DLG2: variants seen among roughly 807,000 people sequenced by gnomAD.
DLG2 encodes the protein disks large homolog 2.
DLG2 carries 45 observed loss-of-function variants against 132.5 expected under a neutral mutation model. The observed-to-expected ratio is 0.34, with a 90% CI of 0.27 to 0.44. DLG2 has a LOEUF of 0.44. Among genes scored for constraint, DLG2 ranks in the 20% least tolerant of loss-of-function variants. The pLI, the probability that DLG2 is intolerant of heterozygous loss-of-function variation, is 1.00. For missense variants in DLG2, 1,045 were observed against 1,196.9 expected, an observed-to-expected ratio of 0.87 and a Z score of 1.87; for synonymous variants, 424 against 419.6, an observed-to-expected ratio of 1.01 and a Z score of -0.13.
chr11:84,620,935 C>G (rs1456332644), intron 6 of DLG2, among the ~76,000 whole-genome samples: 1 of 152,048 alleles, frequency 6.6e-6, no homozygotes, highest in Non-Finnish European at 1.5e-5. Context: ...TGGACAGAAT[C>G]AAAGTATCTG....
In DLG2 at chr11:84,942,783, T is replaced by C. The variant is rs532795024; in HGVS notation, c.357+168878A>G. Among the ~76,000 whole-genome samples the C allele has an allele frequency of 6.6e-5, 10 of 152,266 alleles. No homozygotes were observed. In the South Asian group the frequency reaches 1.9e-3, roughly 28 times the overall value. ...TGAGTCTGATTTTTCCTTTATTTTC[T>C]GTCTGGATGATCTGTTTAATGCTGA... On this transcript the variant is annotated intron_variant, in intron 6 of 27. Transcript: ENST00000376104.
chr11:84,540,022 T>C (rs2099364321), intron 6 of DLG2, among the ~76,000 whole-genome samples: 2 of 152,068 alleles, frequency 1.3e-5, no homozygotes, highest in South Asian at 4.1e-4. Flanking sequence ...CTTCCTTACA[T>C]CTTATACCAA....
chr11:85,482,137 C>T (rs532552678), intron 3 of DLG2, among the ~76,000 whole-genome samples: 3 of 152,212 alleles, frequency 2.0e-5, no homozygotes, highest in African/African-American at 7.2e-5. Flanking sequence ...AAGCTGGATG[C>T]CAAAGTCCCA....
intron 6 of DLG2, among the ~76,000 whole-genome samples, chr11:84,956,024 GGGCC>G: frequency 6.6e-6 from 1 of 152,272 alleles, no homozygotes; most frequent in Admixed American, 6.5e-5. Flanking sequence ...AGCAGAATAA[GGGCC>G]GGCAAGGAAA....
At chr11:84,349,499 G>A (rs545641245) in intron 7 of DLG2, among the ~76,000 whole-genome samples, 4 of 152,218 alleles carry the variant, frequency 2.6e-5, no homozygotes, top group East Asian at 3.9e-4. Flanking sequence ...CTTAAAAGCC[G>A]TCATGAGAAA....
intron 3 of DLG2, among the ~76,000 whole-genome samples, chr11:85,511,711 A>G (rs529110183): frequency 7.3e-6 from 1 of 136,650 alleles, no homozygotes; most frequent in African/African-American, 2.7e-5. Flanking sequence ...CACACTGTAA[A>G]TGTTTGAAGT....
At chr11:85,609,850 G>T (rs1319577101) in intron 2 of DLG2, among the ~76,000 whole-genome samples, 2 of 152,134 alleles carry the variant, frequency 1.3e-5, no homozygotes, top group Admixed American at 1.3e-4. Flanking sequence ...TACCATCCGG[G>T]GAATCCTGGG....
chr11:85,559,034 C>T (rs2077078867), intron 3 of DLG2, among the ~76,000 whole-genome samples: 1 of 151,572 alleles, frequency 6.6e-6, no homozygotes, highest in Admixed American at 6.6e-5. Flanking sequence ...GTGAGAAGCC[C>T]TGAAATTCAA....
At chr11:84,072,386 G>A (rs984549732) in intron 10 of DLG2, among the ~76,000 whole-genome samples, 10 of 152,202 alleles carry the variant, frequency 6.6e-5, no homozygotes, top group African/African-American at 2.4e-4. Context: ...TGCATATCCT[G>A]AAGTAGCTTC....
chr11:84,859,505 A>C (rs998470263), intron 6 of DLG2, among the ~76,000 whole-genome samples: 4 of 148,642 alleles, frequency 2.7e-5, no homozygotes, highest in Non-Finnish European at 5.9e-5. Flanking sequence ...ATATATATCT[A>C]AACTTATATT....
intron 11 of DLG2, among the ~76,000 whole-genome samples, chr11:84,001,292 G>A (rs1118277): frequency 6.1e-5 from 9 of 148,718 alleles, no homozygotes; most frequent in Admixed American, 2.0e-4. Flanking sequence ...TAAGAGTAGC[G>A]ATCCTTATAT....
intron 6 of DLG2, among the ~76,000 whole-genome samples, chr11:84,609,710 C>T (rs936439870): frequency 4.6e-5 from 7 of 152,064 alleles, no homozygotes; most frequent in Admixed American, 2.0e-4. Flanking sequence ...AGATTCCCTG[C>T]CTTCCCTTTT....
At chr11:83,793,714 T>C (rs1271200607) in intron 17 of DLG2, among the ~76,000 whole-genome samples, 1 of 152,050 alleles carries the variant, frequency 6.6e-6, no homozygotes, top group Non-Finnish European at 1.5e-5. Flanking sequence ...AAAATGAGTA[T>C]ACCTACCTAC....
chr11:85,254,343 A>T (rs1044937383), intron 4 of DLG2, among the ~76,000 whole-genome samples: 8 of 152,252 alleles, frequency 5.3e-5, no homozygotes, highest in African/African-American at 1.4e-4. Flanking sequence ...AAAACAGTAT[A>T]TAGAGAATAT....
intron 26 of DLG2, among the ~76,000 whole-genome samples, chr11:83,462,816 A>G (rs1027793566): frequency 9.8e-5 from 15 of 152,302 alleles, no homozygotes; most frequent in South Asian, 2.1e-4. Flanking sequence ...ATTATATATA[A>G]ATTTTTTTTA....
chr11:84,976,732 T>C (rs1263914437), intron 6 of DLG2, among the ~76,000 whole-genome samples: 2 of 152,142 alleles, frequency 1.3e-5, no homozygotes, highest in East Asian at 1.9e-4. Flanking sequence ...CCTTTTAAGA[T>C]ACAATTTTAC....
At chr11:84,786,573 T>A (rs1025142309) in intron 6 of DLG2, among the ~76,000 whole-genome samples, 18 of 152,146 alleles carry the variant, frequency 1.2e-4, no homozygotes, top group African/African-American at 4.3e-4. Context: ...CCGCCTTCCG[T>A]CCACTCATGT....
chr11:85,490,984 G>A (rs1009642641), intron 3 of DLG2, among the ~76,000 whole-genome samples: 1 of 151,940 alleles, frequency 6.6e-6, no homozygotes, highest in Non-Finnish European at 1.5e-5. Context: ...GAAAACTATA[G>A]ACCAATATCC....
At chr11:84,770,906 C>T (rs1312011815) in intron 6 of DLG2, among the ~76,000 whole-genome samples, 1 of 151,980 alleles carries the variant, frequency 6.6e-6, no homozygotes, top group Admixed American at 6.6e-5. Flanking sequence ...CCCACCTTGG[C>T]CTCCCATAGT....
Sources: allele counts gnomAD v4.1 joint callset (sites outside exome capture counted in the v4.1 genomes callset), GRCh38; gene constraint gnomAD v4.1.1; transcripts MANE v1.5; gene names NCBI Gene and HGNC (gene_info 2026-07-23, HGNC 2026-07-21).